Variants in RARA observed in about 807,000 individuals in gnomAD.
The protein encoded by RARA is PML-DDX5-RARA fusion.
In RARA, 5 loss-of-function variants were observed where a neutral mutation model predicts 42.8. That is an observed-to-expected ratio of 0.12 (90% confidence interval 0.06 to 0.25). RARA has a LOEUF of 0.25. Ranked by LOEUF, RARA falls within the 10% of genes least tolerant of loss-of-function variation. RARA has a pLI of 1.00. For synonymous variants in RARA, 256 were observed against 259.5 expected, an observed-to-expected ratio of 0.99 and a Z score of 0.13; for missense variants, 402 against 628.7, an observed-to-expected ratio of 0.64 and a Z score of 3.86.
At chr17:40,325,903 C>T (rs1407969792) in intron 1 of RARA, among the ~76,000 whole-genome samples, 1 of 152,162 alleles carries the variant, frequency 6.6e-6, no homozygotes, top group Non-Finnish European at 1.5e-5. Flanking sequence ...AGTTTGGGGT[C>T]CCCTGCTCTT....
At chr17:40,342,926 C>T in intron 2 of RARA, 1 of 1,555,930 alleles carries the variant, frequency 6.4e-7, no homozygotes. Context: ...GTAGGGCTTC[C>T]ACTACTACTC....
At chr17:40,340,914 A>G (rs1307056204) in intron 2 of RARA, 8 of 400,122 alleles carry the variant, frequency 2.0e-5, no homozygotes, top group Admixed American at 4.4e-5. Context: ...GATCTTGGAC[A>G]ACCCACATAG....
chr17:40,311,841 G>C (rs1233885310), intron 1 of RARA, among the ~76,000 whole-genome samples: 1 of 152,158 alleles, frequency 6.6e-6, no homozygotes, highest in African/African-American at 2.4e-5. Flanking sequence ...GTAGCCTCTG[G>C]CACTGTAGCA....
rs2143526045 is a variant in RARA at position 40,354,421 on chromosome 17, C to A, written c.927C>A (p.Val309=). 6.2e-7 allele frequency: 1 copy of A among 1,614,164 alleles called. No homozygotes were observed. The highest frequency in any genetic ancestry group is 1.7e-5 in the Admixed American group (1 of 60,032). ...GCTTCGGCCCCCTCACCGACCTGGT[C>A]TTTGCCTTCGCCAACCAGCTGCTGC... ...NAGFGPLTDL[V]FAFANQLLPL... is the part of the protein sequence containing the mutation. Residue 309 remains valine, a synonymous_variant, in exon 7 of 9, where the codon GTC becomes GTA. Transcript: ENST00000254066. The surrounding 1 kb of genome is among the most constrained non-coding windows in gnomAD (Gnocchi z 4.5).
At chr17:40,333,407 A>G (rs140235616) in intron 2 of RARA, among the ~76,000 whole-genome samples, 2,312 of 152,184 alleles carry the variant, frequency 0.015, 30 homozygotes, top group Non-Finnish European at 0.023. Flanking sequence ...CAGTGGCACC[A>G]TCTTGGCTTA....
In RARA at chr17:40,351,849, G is replaced by T; in HGVS notation, c.470-61G>T. The T allele has an allele frequency of 6.4e-7, 1 of 1,568,546 alleles. No individual in the cohort carries two copies. The highest frequency in any genetic ancestry group is 8.6e-7 in the Non-Finnish European group (1 of 1,164,778). ...CAGCTGGCAGCTCTCTGTCAGGCTG[G>T]GGGTGGACGAGGCCCTGAGCAGCCT... is the stretch of plus-strand genomic sequence containing the variant. On this transcript the variant is annotated intron_variant, in intron 4 of 8. Coordinates refer to ENST00000254066, the MANE Select transcript of RARA (RefSeq NM_000964.4). This position sits in a 1 kb window ranked among gnomAD's most constrained non-coding sequence, Gnocchi z 4.1.
chr17:40,354,403 C>A lies in RARA; in HGVS notation c.909C>A (p.Gly303=), dbSNP rs1220788882. ...NRTQMHNAGF[G]PLTDLVFAFA... is the part of the protein sequence containing the mutation. ...CCCAGATGCACAACGCTGGCTTCGG[C>A]CCCCTCACCGACCTGGTCTTTGCCT... The change falls in exon 7 of 9, where the codon GGC becomes GGA. Residue 303 remains glycine (G), a synonymous_variant. Coordinates refer to ENST00000254066, the MANE Select transcript of RARA (RefSeq NM_000964.4). The surrounding 1 kb of genome is among the most constrained non-coding windows in gnomAD (Gnocchi z 4.5). The A allele has an allele frequency of 5.6e-6, 9 of 1,614,188 alleles. No homozygotes were observed. The highest frequency in any genetic ancestry group is 1.7e-6 in the Non-Finnish European group (2 of 1,180,034).
rs891228583 is a variant in RARA at position 40,351,657 on chromosome 17, G to C, written c.470-253G>C. 1.8e-6 allele frequency: 1 copy of C among 561,886 alleles called. No individual in the cohort carries two copies. Among genetic ancestry groups the C allele is most frequent in the Admixed American group, 2.9e-5 (1 of 33,922 alleles). The allele number at this position is 561,886 out of a possible 1,614,324, so 34.8% of individuals were successfully genotyped here. A position where few individuals can be genotyped will look rare whatever the true frequency, so the allele number is the denominator to read the frequency against. On this transcript the variant is annotated intron_variant, in intron 4 of 8. Coordinates refer to ENST00000254066, the MANE Select transcript of RARA (RefSeq NM_000964.4). This position sits in a 1 kb window ranked among gnomAD's most constrained non-coding sequence, Gnocchi z 4.1. ...GATAGCATGCGGCTGGCTATGGGGT[G>C]GGGTGGGGGGTGTGTGCAGGGCCAC...
At position 40,354,196 on chromosome 17, in the gene RARA, C is replaced by A; in HGVS notation, c.808-106C>A. ...ATTCTATCAGACAGCATTGCTCCGGCCACCTGCCAGGTGGTCCTCCGGGAG... is the reference window on the plus strand; with the variant it reads ...ATTCTATCAGACAGCATTGCTCCGGACACCTGCCAGGTGGTCCTCCGGGAG... On this transcript the variant is annotated intron_variant, in intron 6 of 8. Coordinates refer to ENST00000254066, the MANE Select transcript of RARA (RefSeq NM_000964.4). This position sits in a 1 kb window ranked among gnomAD's most constrained non-coding sequence, Gnocchi z 4.5. 9.3e-7 allele frequency: 1 copy of A among 1,070,694 alleles called. No individual in the cohort carries two copies. Among genetic ancestry groups the A allele is most frequent in the Non-Finnish European group, 1.4e-6 (1 of 724,998 alleles). 66.3% of individuals were successfully genotyped at this position (1,070,694 alleles called of 1,614,324 possible).
At position 40,331,076 on chromosome 17, in the gene RARA, C is replaced by T; in HGVS notation, c.-143C>T. ...CTGAGATTAGCCTGCCCTCTTTGGA[C>T]AGCAGCTCCAGGACAGGGCGGGTGG... is the stretch of plus-strand genomic sequence containing the variant. On this transcript the variant is annotated 5_prime_UTR_variant, in exon 2 of 9. Transcript: ENST00000254066. 1.0e-6 allele frequency: 1 copy of T among 964,234 alleles called. No individual in the cohort carries two copies. Among genetic ancestry groups the T allele is most frequent in the South Asian group, 1.7e-5 (1 of 59,176 alleles). 59.7% of individuals were successfully genotyped at this position (964,234 alleles called of 1,614,324 possible). A position where few individuals can be genotyped will look rare whatever the true frequency, so the allele number is the denominator to read the frequency against.
At chr17:40,344,507 C>T (rs1351480232) in intron 2 of RARA, among the ~76,000 whole-genome samples, 1 of 152,170 alleles carries the variant, frequency 6.6e-6, no homozygotes, top group African/African-American at 2.4e-5. Flanking sequence ...CCTTGGTCTC[C>T]AGCCCCTGTC....
chr17:40,335,195 CTG>C lies in RARA; in HGVS notation c.178+3805_178+3806del, dbSNP rs1283567374. On this transcript the variant is annotated intron_variant, in intron 2 of 8. Transcript: ENST00000254066. ...AGCTAAGGAGGGAGAGTCAGCCTGT[CTG>C]TGTGTTGGTGTTGGGGCTGGGAGGG... Among the ~76,000 whole-genome samples the C allele has an allele frequency of 3.9e-5, 6 of 152,034 alleles. No homozygotes were observed. In the South Asian group the frequency reaches 1.0e-3, roughly 26 times the overall value.
rs1007848998 is a variant in RARA, at chr17:40,326,374, C to T, written c.-362-4483C>T. On this transcript the variant is annotated intron_variant, in intron 1 of 8. Transcript: ENST00000254066. This position sits in a 1 kb window ranked among gnomAD's most constrained non-coding sequence, Gnocchi z 5.2. ...ATGCTTAGAGAGGTTAAGTGACTTGCGTAAGGTCACCCAGAGTGGCAGAGC... is the reference window on the plus strand; with the variant it reads ...ATGCTTAGAGAGGTTAAGTGACTTGTGTAAGGTCACCCAGAGTGGCAGAGC... 5 of 152,242 alleles carry T rather than the reference C, an allele frequency of 3.3e-5. No individual in the cohort carries two copies. Among genetic ancestry groups the T allele is most frequent in the Admixed American group, 1.3e-4 (2 of 15,282 alleles). The allele number at this position is 152,242 out of a possible 1,614,324, so 9.4% of individuals were successfully genotyped here.
chr17:40,349,531 T>A, intron 3 of RARA: 1 of 432,744 alleles, frequency 2.3e-6, no homozygotes, highest in Admixed American at 4.0e-5. Context: ...AAGGGAGGAG[T>A]CAGGTGTGTG....
intron 1 of RARA, chr17:40,318,214 C>G (rs1029067011): frequency 6.6e-6 from 1 of 152,266 alleles, no homozygotes; most frequent in Non-Finnish European, 1.5e-5. Flanking sequence ...AGGGCCTCCC[C>G]CTACCTCTGC....
intron 1 of RARA, among the ~76,000 whole-genome samples, chr17:40,310,808 G>GT (rs2033081313): frequency 6.6e-6 from 1 of 152,058 alleles, no homozygotes; most frequent in Non-Finnish European, 1.5e-5. Context: ...ACAATGTATC[G>GT]TAAAGCTCAC....
chr17:40,356,315 C>T lies in RARA; in HGVS notation c.*89C>T, dbSNP rs1167545061. 2.1e-5 allele frequency: 28 copies of T among 1,344,990 alleles called. No homozygotes were observed. The highest frequency in any genetic ancestry group is 2.7e-5 in the Non-Finnish European group (26 of 968,138). 83.3% of individuals were successfully genotyped at this position (1,344,990 alleles called of 1,614,324 possible). On this transcript the variant is annotated 3_prime_UTR_variant, in exon 9 of 9. Transcript: ENST00000254066. The stretch of plus-strand genomic sequence containing the variant: ...ACCATGTGACCCCGCACCAGCCCTG[C>T]CCCCACCTGCCCTCCCGGGCAGTAC...
intron 2 of RARA, chr17:40,341,955 T>G: frequency 1.8e-6 from 2 of 1,130,224 alleles, no homozygotes; most frequent in East Asian, 4.1e-5. Flanking sequence ...CCCTTCCTGC[T>G]TCTCTCCTCT....
At chr17:40,328,738 G>C (rs1413478364) in intron 1 of RARA, among the ~76,000 whole-genome samples, 1 of 152,200 alleles carries the variant, frequency 6.6e-6, no homozygotes, top group Non-Finnish European at 1.5e-5. Flanking sequence ...CCATATCATA[G>C]TATCAGTACT....
Sources: allele counts gnomAD v4.1 joint callset (sites outside exome capture counted in the v4.1 genomes callset), GRCh38; gene constraint gnomAD v4.1.1; non-coding constraint Gnocchi (gnomAD v3.1); transcripts MANE v1.5; gene names NCBI Gene and HGNC (gene_info 2026-07-23, HGNC 2026-07-21).